The following MYT1L variants were observed in gnomAD, a reference collection of about 807,000 sequenced individuals.
MYT1L encodes the protein myelin transcription factor 1-like protein.
MYT1L carries 12 observed loss-of-function variants against 126.7 expected under a neutral mutation model. The ratio of observed to expected loss-of-function variants is 0.09; its 90% CI spans 0.06 to 0.15. The LOEUF is 0.15. MYT1L is among the 10% of genes least tolerant of loss of function. MYT1L has a pLI of 1.00. For missense variants in MYT1L, 979 were observed against 1,585.2 expected, an observed-to-expected ratio of 0.62 and a Z score of 6.49; for synonymous variants, 541 against 604.2, an observed-to-expected ratio of 0.90 and a Z score of 1.53.
At chr2:2,114,702 G>A (rs1435202318) in intron 3 of MYT1L, among the ~76,000 whole-genome samples, 1 of 152,202 alleles carries the variant, frequency 6.6e-6, no homozygotes, top group Non-Finnish European at 1.5e-5. Context: ...GAATGGATGA[G>A]TGGATGAATG....
chr2:2,043,754 AGGAACCCAG>A (rs1035680395), intron 4 of MYT1L, among the ~76,000 whole-genome samples: 13 of 152,334 alleles, frequency 8.5e-5, no homozygotes, highest in African/African-American at 2.9e-4. Context: ...GCTACCCTGG[AGGAACCCAG>A]GAATATCTGT....
chr2:1,979,104 C>G lies in MYT1L; in HGVS notation c.152+61G>C. On this transcript the variant is annotated intron_variant, in intron 8 of 24. Coordinates refer to ENST00000647738, the MANE Select transcript of MYT1L (RefSeq NM_001303052.2). The surrounding 1 kb of genome is among the most constrained non-coding windows in gnomAD (Gnocchi z 4.0). ...CTGCTCACACAGTTCATCATCAGGA[C>G]TGGGTCCCCAAATAAGTCACTTTAG... The G allele has an allele frequency of 1.4e-6, 2 of 1,381,348 alleles. No homozygotes were observed. The highest frequency in any genetic ancestry group is 4.7e-5 in the East Asian group (2 of 42,368). The allele number at this position is 1,381,348 out of a possible 1,614,324, so 85.6% of individuals were successfully genotyped here.
intron 8 of MYT1L, among the ~76,000 whole-genome samples, chr2:1,970,463 A>C (rs566953108): frequency 1.4e-4 from 22 of 152,212 alleles, no homozygotes; most frequent in Non-Finnish European, 1.9e-4. Flanking sequence ...TGCTTCTCTA[A>C]TGAGTGGGGT....
chr2:2,197,836 G>T (rs191499056), intron 2 of MYT1L, among the ~76,000 whole-genome samples: 10 of 147,310 alleles, frequency 6.8e-5, no homozygotes, highest in Admixed American at 2.0e-4. Flanking sequence ...CGCACACAAC[G>T]AATGTGTAGA....
At chr2:2,241,275 T>TTA (rs1553599970) in intron 2 of MYT1L, among the ~76,000 whole-genome samples, 1 of 150,746 alleles carries the variant, frequency 6.6e-6, no homozygotes, top group Non-Finnish European at 1.5e-5. Flanking sequence ...AATACATCTT[T>TTA]TGTGTGTGTG....
At chr2:2,220,426 A>G (rs2148978407) in intron 2 of MYT1L, among the ~76,000 whole-genome samples, 1 of 152,284 alleles carries the variant, frequency 6.6e-6, no homozygotes, top group South Asian at 2.1e-4. Flanking sequence ...GGAAATGTTC[A>G]GGTTAAGATA....
chr2:1,992,344 C>T (rs914187629), intron 5 of MYT1L, among the ~76,000 whole-genome samples: 2 of 152,178 alleles, frequency 1.3e-5, no homozygotes, highest in African/African-American at 4.8e-5. Context: ...CTGGTTTTGG[C>T]TGTTGCCATT....
intron 3 of MYT1L, among the ~76,000 whole-genome samples, chr2:2,061,501 C>T (rs2070487833): frequency 6.6e-6 from 1 of 152,122 alleles, no homozygotes; most frequent in Non-Finnish European, 1.5e-5. Context: ...CTTGAGAACC[C>T]CAGGGAATTT....
At chr2:2,275,487 G>T (rs992747903) in intron 2 of MYT1L, among the ~76,000 whole-genome samples, 1 of 152,056 alleles carries the variant, frequency 6.6e-6, no homozygotes. Flanking sequence ...CCAGTTGGGC[G>T]ATTTGGATGC....
chr2:2,083,719 G>A (rs914756373), intron 3 of MYT1L, among the ~76,000 whole-genome samples: 3 of 152,240 alleles, frequency 2.0e-5, no homozygotes, highest in African/African-American at 7.2e-5. Flanking sequence ...AGGGATGTGG[G>A]CAGGAAACCG....
intron 18 of MYT1L, among the ~76,000 whole-genome samples, chr2:1,865,380 G>C (rs570757909): frequency 6.6e-6 from 1 of 152,180 alleles, no homozygotes; most frequent in African/African-American, 2.4e-5. Flanking sequence ...AAAGAGCCCC[G>C]GAGTCAGAGA....
intron 3 of MYT1L, among the ~76,000 whole-genome samples, chr2:2,161,044 C>A (rs1290767781): frequency 6.6e-6 from 1 of 151,986 alleles, no homozygotes; most frequent in Non-Finnish European, 1.5e-5. Context: ...TGGTGAAACC[C>A]CATCTCTACT....
intron 2 of MYT1L, among the ~76,000 whole-genome samples, chr2:2,283,032 G>A (rs1270728131): frequency 1.3e-5 from 2 of 152,166 alleles, no homozygotes; most frequent in African/African-American, 2.4e-5. Context: ...CCAAGATTGT[G>A]CCACTGCACT....
At chr2:1,955,764 A>C (rs1307338074) in intron 8 of MYT1L, among the ~76,000 whole-genome samples, 1 of 152,232 alleles carries the variant, frequency 6.6e-6, no homozygotes, top group Non-Finnish European at 1.5e-5. Context: ...AACTGAACCC[A>C]TCTGTCCTGG....
chr2:2,081,386 A>T (rs958394644), intron 3 of MYT1L, among the ~76,000 whole-genome samples: 1 of 152,124 alleles, frequency 6.6e-6, no homozygotes, highest in Non-Finnish European at 1.5e-5. Context: ...CTCTTGGCAA[A>T]TGCACCTCCC....
intron 2 of MYT1L, among the ~76,000 whole-genome samples, chr2:2,269,865 C>T (rs2095227691): frequency 6.6e-6 from 1 of 152,206 alleles, no homozygotes; most frequent in Non-Finnish European, 1.5e-5. Flanking sequence ...AGAATTATGT[C>T]TTGCTATTCC....
chr2:1,977,244 A>G (rs1457795321), intron 8 of MYT1L, among the ~76,000 whole-genome samples: 3 of 152,220 alleles, frequency 2.0e-5, no homozygotes, highest in Non-Finnish European at 4.4e-5. Flanking sequence ...CTAATGAGTC[A>G]GTGGCAAGTT....
chr2:2,112,254 C>G (rs1192047500), intron 3 of MYT1L, among the ~76,000 whole-genome samples: 3 of 152,064 alleles, frequency 2.0e-5, no homozygotes, highest in Admixed American at 6.5e-5. Flanking sequence ...GCTTCTGTGA[C>G]CAAAATTTCA....
intron 3 of MYT1L, among the ~76,000 whole-genome samples, chr2:2,081,958 G>T (rs1338349841): frequency 2.0e-5 from 3 of 152,058 alleles, no homozygotes; most frequent in Non-Finnish European, 4.4e-5. Flanking sequence ...GGTCAGGCTG[G>T]TCTCGAACTC....
Sources: gnomAD v4.1 joint callset for allele counts (sites outside exome capture counted in the v4.1 genomes callset) on GRCh38, gnomAD v4.1.1 for gene constraint, Gnocchi (gnomAD v3.1) non-coding constraint, MANE v1.5 for transcripts, NCBI Gene and HGNC (gene_info 2026-07-23, HGNC 2026-07-21) for gene names.